Variants in AHCTF1 observed in about 807,000 individuals in gnomAD.
AHCTF1 encodes the protein AT-hook containing transcription factor 1.
Under a neutral mutation model 248.4 loss-of-function variants are expected in AHCTF1, and 24 were observed. The observed-to-expected ratio is 0.10, with a 90% confidence interval of 0.07 to 0.14. AHCTF1 has a LOEUF of 0.14. AHCTF1 is among the 10% of genes least tolerant of loss of function. The pLI, the probability that AHCTF1 is intolerant of heterozygous loss-of-function variation, is 1.00. For missense variants in AHCTF1, 2,206 were observed against 2,636.2 expected (o/e 0.84, Z 3.57); for synonymous variants, 786 against 929.8 (o/e 0.85, Z 2.81).
chr1:246,843,778 A>T lies in AHCTF1; in HGVS notation c.6525+17T>A. 1 of 1,371,292 alleles carries T rather than the reference A, an allele frequency of 7.3e-7. No homozygotes were observed. Among genetic ancestry groups the T allele is most frequent in the Non-Finnish European group, 9.5e-7 (1 of 1,051,578 alleles). The allele number at this position is 1,371,292 out of a possible 1,614,324, so 84.9% of individuals were successfully genotyped here. A position where few individuals can be genotyped will look rare whatever the true frequency, so the allele number is the denominator to read the frequency against. ...TATGTTTTAACAAACATACAAATAAAATCATGCATTTCTTACCAGTTCATC... is the reference window on the plus strand; with the variant it reads ...TATGTTTTAACAAACATACAAATAATATCATGCATTTCTTACCAGTTCATC... On this transcript the variant is annotated intron_variant, in intron 34 of 35. Coordinates refer to ENST00000648844, the MANE Select transcript of AHCTF1 (RefSeq NM_001323342.2).
intron 20 of AHCTF1, among the ~76,000 whole-genome samples, chr1:246,886,997 C>A (rs1047468156): frequency 4.6e-5 from 7 of 152,150 alleles, no homozygotes; most frequent in African/African-American, 1.7e-4. Flanking sequence ...TTATTAGTTT[C>A]CTTCTTTAAA....
intron 32 of AHCTF1, among the ~76,000 whole-genome samples, chr1:246,852,672 T>C (rs1660798082): frequency 6.6e-6 from 1 of 152,170 alleles, no homozygotes; most frequent in African/African-American, 2.4e-5. Flanking sequence ...AACCTTTCAT[T>C]TGAACCAGAT....
chr1:246,896,006 A>T, intron 12 of AHCTF1, 81 bp from the exon 13 acceptor site: 2 of 1,202,420 alleles, frequency 1.7e-6, no homozygotes, highest in Non-Finnish European at 2.4e-6. Flanking sequence ...TTAGAATTTA[A>T]AAATTTTAAG....
At chr1:246,858,815 T>A (rs867685126) in intron 29 of AHCTF1, among the ~76,000 whole-genome samples, 4,610 of 143,252 alleles carry the variant, frequency 0.032, 252 homozygotes, top group African/African-American at 0.11. Flanking sequence ...AAAAAAAAAA[T>A]AAATACAAAT....
intron 7 of AHCTF1, 86 bp from the exon 8 acceptor site, chr1:246,902,761 G>C (rs1665096128): frequency 7.7e-7 from 1 of 1,300,588 alleles, no homozygotes. Context: ...TTTAAAGATT[G>C]TTCACACAAT....
chr1:246,867,168 TTAAAGA>T (rs1483986690), intron 26 of AHCTF1, 70 bp downstream of exon 26: 1 of 721,862 alleles, frequency 1.4e-6, no homozygotes, highest in Non-Finnish European at 2.2e-6. Flanking sequence ...CTATAAAATG[TTAAAGA>T]TAATTAAAAA....
In AHCTF1 at chr1:246,899,320, T is replaced by C. The variant is rs910334404; in HGVS notation, c.1494+131A>G. 5.9e-6 allele frequency: 4 copies of C among 672,536 alleles called. No individual in the cohort carries two copies. In the African/African-American group the frequency reaches 7.5e-5, roughly 13 times the overall value. 41.7% of individuals were successfully genotyped at this position (672,536 alleles called of 1,614,324 possible). A position where few individuals can be genotyped will look rare whatever the true frequency, so the allele number is the denominator to read the frequency against. On this transcript the variant is annotated intron_variant, in intron 11 of 35. Coordinates refer to ENST00000648844, the MANE Select transcript of AHCTF1 (RefSeq NM_001323342.2). ...CTGATACTACTAGTTGATAATCTCA[T>C]AAACCTAGCAGAAGCTACCATTTAA...
At chr1:246,896,943 C>G (rs1453006321) in intron 12 of AHCTF1, among the ~76,000 whole-genome samples, 6 of 152,042 alleles carry the variant, frequency 3.9e-5, no homozygotes, top group African/African-American at 1.4e-4. Flanking sequence ...TATTTAATAC[C>G]AGGGACAAAA....
At chr1:246,909,503 A>G (rs1412564355) in intron 4 of AHCTF1, among the ~76,000 whole-genome samples, 2 of 151,686 alleles carry the variant, frequency 1.3e-5, no homozygotes, top group Non-Finnish European at 2.9e-5. Context: ...CAGTGTATCC[A>G]CACTGTATAA....
Position 246,850,226 on chromosome 1 carries a change from T to C in AHCTF1, c.5780A>G (p.Asp1927Gly), listed in dbSNP as rs775132534. 17 of 1,613,802 alleles carry C rather than the reference T, an allele frequency of 1.1e-5. No individual in the cohort carries two copies. The highest frequency in any genetic ancestry group is 1.4e-5 in the Non-Finnish European group (17 of 1,179,858). ...TGNKQDDKSS[D>G]KQLRIKHVRR... is the part of the protein sequence containing the mutation. ...AACATGTTTAATACGCAGCTGCTTG[T>C]CACTGGATTTATCATCTTGCTTATT... Residue 1927 changes from aspartate to glycine, a missense_variant, in exon 33 of 36, where the codon GAC (aspartate) becomes GGC (glycine). Coordinates refer to ENST00000648844, the MANE Select transcript of AHCTF1 (RefSeq NM_001323342.2).
intron 21 of AHCTF1, 39 bp downstream of exon 21, chr1:246,885,454 A>G (rs747717897): frequency 6.7e-7 from 1 of 1,502,442 alleles, no homozygotes; most frequent in Non-Finnish European, 9.0e-7. Flanking sequence ...TTATTAACAG[A>G]TACGATAAAG....
rs1325063942 is a variant in AHCTF1 at position 246,905,563 on chromosome 1, C to A, written c.859G>T (p.Ala287Ser). The change falls in exon 6 of 36, where the codon GCT (alanine) becomes TCT (serine). Residue 287 changes from alanine to serine, a missense_variant. Transcript: ENST00000648844. ...NDPRNCCYLWAVQSTQDSEGD... is the reference protein window; with the variant it reads ...NDPRNCCYLWSVQSTQDSEGD... ...TACCTATCTTGTGTAGACTGAACAGCCCACAAGTAACAGCAATTCCGAGGA... is the reference window on the plus strand; with the variant it reads ...TACCTATCTTGTGTAGACTGAACAGACCACAAGTAACAGCAATTCCGAGGA... 1.2e-6 allele frequency: 2 copies of A among 1,611,888 alleles called. No homozygotes were observed. Among genetic ancestry groups the A allele is most frequent in the Non-Finnish European group, 1.7e-6 (2 of 1,179,704 alleles).
intron 1 of AHCTF1, among the ~76,000 whole-genome samples, chr1:246,927,356 G>A (rs1202948894): frequency 6.6e-6 from 1 of 152,072 alleles, no homozygotes; most frequent in African/African-American, 2.4e-5. Flanking sequence ...AGCCACGGCT[G>A]CATACGCTTG....
chr1:246,867,905 ACACAC>A, intron 24 of AHCTF1, 94 bp from the exon 25 acceptor site: 1 of 234,662 alleles, frequency 4.3e-6, no homozygotes, highest in South Asian at 5.3e-5. Context: ...CCCCCCCCAC[ACACAC>A]ACACACACAC....
rs140774292 is a variant in AHCTF1, at chr1:246,885,348, T to C, written c.2660+145A>G. ...CATCCCATGAACACTGTATTTTCAA[T>C]CTGAATTTGATGCAGAACCCACTAA... On this transcript the variant is annotated intron_variant, in intron 21 of 35. Coordinates refer to ENST00000648844, the MANE Select transcript of AHCTF1 (RefSeq NM_001323342.2). 362 of 616,154 alleles carry C rather than the reference T, an allele frequency of 5.9e-4. 3 individuals carry two copies. The African/African-American group carries it at 6.0e-3, about 10-fold the overall frequency. The allele number at this position is 616,154 out of a possible 1,614,324, so 38.2% of individuals were successfully genotyped here. A position where few individuals can be genotyped will look rare whatever the true frequency, so the allele number is the denominator to read the frequency against.
Position 246,905,574 on chromosome 1 carries a change from C to T in AHCTF1, c.848G>A (p.Cys283Tyr), listed in dbSNP as rs951804684. 3.1e-6 allele frequency: 5 copies of T among 1,612,272 alleles called. No homozygotes were observed. The highest frequency in any genetic ancestry group is 4.2e-6 in the Non-Finnish European group (5 of 1,179,940). ...QEPENDPRNCCYLWAVQSTQD... is the reference protein window; with the variant it reads ...QEPENDPRNCYYLWAVQSTQD... ...TGTAGACTGAACAGCCCACAAGTAA[C>T]AGCAATTCCGAGGATCATTCTCAGG... The change falls in exon 6 of 36, where the codon TGT (cysteine) becomes TAT (tyrosine). Residue 283 changes from cysteine (C) to tyrosine (Y), a missense_variant. Cys to Tyr is a radical substitution (Grantham distance 194). This residue lies in a region of AHCTF1 where 650 missense variants were observed against 870.8 expected (regional missense o/e 0.75). Transcript: ENST00000648844.
At chr1:246,874,893 AACAG>A (rs1383733676) in intron 24 of AHCTF1, among the ~76,000 whole-genome samples, 14 of 152,302 alleles carry the variant, frequency 9.2e-5, no homozygotes, top group East Asian at 7.7e-4. Flanking sequence ...AAAATTTGTA[AACAG>A]ACAGAGTCTC....
chr1:246,907,234 CTTACA>C (rs1665456407), intron 5 of AHCTF1, among the ~76,000 whole-genome samples: 1 of 152,148 alleles, frequency 6.6e-6, no homozygotes, highest in Non-Finnish European at 1.5e-5. Context: ...AGACCCCTTT[CTTACA>C]TAAGGACTGT....
intron 32 of AHCTF1, 104 bp from the exon 33 acceptor site, chr1:246,851,546 A>ATAAAT: frequency 2.0e-6 from 2 of 996,274 alleles, no homozygotes; most frequent in Non-Finnish European, 2.9e-6. Flanking sequence ...CTTTTAAAAC[A>ATAAAT]TAAATTATAT....
Sources: allele counts gnomAD v4.1 joint callset (sites outside exome capture counted in the v4.1 genomes callset), GRCh38; gene constraint gnomAD v4.1.1; regional missense constraint gnomAD v4.1.1; transcripts MANE v1.5; gene names NCBI Gene and HGNC (gene_info 2026-07-23, HGNC 2026-07-21).